TTC29: variants seen among roughly 807,000 people sequenced by gnomAD.
TTC29 encodes the protein tetratricopeptide repeat domain 29, also known as tetratricopeptide repeat protein 29.
In TTC29, 49 loss-of-function variants were observed where a neutral mutation model predicts 58.1. That is an observed-to-expected ratio of 0.84 (90% confidence interval 0.67 to 1.07). The LOEUF (loss-of-function observed/expected upper bound fraction) is 1.07. Ranked by LOEUF, TTC29 falls within the 50% of genes least tolerant of loss-of-function variation. The pLI is 0.00. For missense variants in TTC29, 582 were observed against 555.6 expected (o/e 1.05, Z -0.48); for synonymous variants, 209 against 196.8 (o/e 1.06, Z -0.52).
At chr4:146,830,975 G>T (rs6830880) in intron 9 of TTC29, among the ~76,000 whole-genome samples, 9,481 of 152,218 alleles carry the variant, frequency 0.062, 399 homozygotes, top group Admixed American at 0.13. Context: ...AAATCTGCCT[G>T]TTAGTAGATC....
At chr4:146,823,684 C>T (rs1751989908) in intron 9 of TTC29, among the ~76,000 whole-genome samples, 1 of 152,140 alleles carries the variant, frequency 6.6e-6, no homozygotes, top group African/African-American at 2.4e-5. Context: ...CTATAAATTA[C>T]TTTGAGCAGT....
chr4:146,895,867 A>G (rs1488849760), intron 6 of TTC29, among the ~76,000 whole-genome samples: 2 of 152,156 alleles, frequency 1.3e-5, no homozygotes, highest in African/African-American at 4.8e-5. Flanking sequence ...CTAAAATTGC[A>G]TAAATATTAG....
intron 8 of TTC29, among the ~76,000 whole-genome samples, chr4:146,862,251 TTA>T (rs113005790): frequency 0.13 from 19,727 of 146,868 alleles, 1,690 homozygotes; most frequent in African/African-American, 0.22. Flanking sequence ...TATTTTATCA[TTA>T]TATATATATA....
chr4:146,765,998 T>C (rs1747290308), intron 11 of TTC29, among the ~76,000 whole-genome samples: 2 of 151,826 alleles, frequency 1.3e-5, no homozygotes, highest in African/African-American at 4.8e-5. Flanking sequence ...ACACTAAAGG[T>C]AAGTTAGGGG....
intron 11 of TTC29, among the ~76,000 whole-genome samples, chr4:146,746,246 G>T (rs906993926): frequency 2.6e-5 from 4 of 152,196 alleles, no homozygotes; most frequent in African/African-American, 7.2e-5. Flanking sequence ...ATGGTTACAT[G>T]AAGTGAGCAA....
chr4:146,820,140 G>A lies in TTC29; in HGVS notation c.1086C>T (p.Asp362=). The change falls in exon 10 of 13, where the codon GAC becomes GAT. Residue 362 remains aspartate, a synonymous_variant. Coordinates refer to ENST00000325106, the MANE Select transcript of TTC29 (RefSeq NM_031956.4). ...ATAGACTCACTTTTTCATTGTAGAT[G>A]TCCCCAAGCATTGTACTTGCTCTCA... ...DLVRASTMLG[D]IYNEKGYYNK... The A allele has an allele frequency of 6.2e-7, 1 of 1,612,884 alleles. No homozygotes were observed. The highest frequency in any genetic ancestry group is 8.5e-7 in the Non-Finnish European group (1 of 1,179,734).
intron 8 of TTC29, among the ~76,000 whole-genome samples, chr4:146,844,452 A>T (rs1449283647): frequency 6.6e-6 from 1 of 152,212 alleles, no homozygotes; most frequent in South Asian, 2.1e-4. Flanking sequence ...AAAATGTGGA[A>T]TATTTATCCT....
chr4:146,863,210 C>T (rs1019055162), intron 8 of TTC29, among the ~76,000 whole-genome samples: 1 of 152,090 alleles, frequency 6.6e-6, no homozygotes, highest in Non-Finnish European at 1.5e-5. Flanking sequence ...CTCGTTCCAG[C>T]CCAAATCCCA....
intron 11 of TTC29, among the ~76,000 whole-genome samples, chr4:146,742,670 A>C (rs1579571830): frequency 1.0e-4 from 10 of 98,804 alleles, no homozygotes; most frequent in East Asian, 3.0e-4. Context: ...CTTTACTTCA[A>C]TTCCTTCTTT....
intron 8 of TTC29, among the ~76,000 whole-genome samples, chr4:146,846,027 TG>T (rs963313549): frequency 6.6e-5 from 10 of 152,160 alleles, no homozygotes; most frequent in African/African-American, 2.4e-4. Context: ...GTAGAGCCCT[TG>T]GGAGGTACTA....
intron 4 of TTC29, among the ~76,000 whole-genome samples, chr4:146,915,631 T>G (rs1222706670): frequency 6.6e-6 from 1 of 152,072 alleles, no homozygotes; most frequent in Non-Finnish European, 1.5e-5. Context: ...ACAATTTATT[T>G]TACTTTCTCT....
chr4:146,711,217 A>T (rs150686633), intron 11 of TTC29, among the ~76,000 whole-genome samples: 16 of 152,162 alleles, frequency 1.1e-4, no homozygotes, highest in African/African-American at 3.6e-4. Flanking sequence ...GTATGCTCAC[A>T]TGAATATACA....
At chr4:146,764,794 T>G (rs898682135) in intron 11 of TTC29, among the ~76,000 whole-genome samples, 1 of 152,084 alleles carries the variant, frequency 6.6e-6, no homozygotes, top group Admixed American at 6.6e-5. Context: ...GGAACAGAAA[T>G]GTACTGAATA....
intron 6 of TTC29, among the ~76,000 whole-genome samples, chr4:146,902,131 T>C (rs528422682): frequency 2.6e-5 from 4 of 152,304 alleles, no homozygotes; most frequent in African/African-American, 7.2e-5. Flanking sequence ...GTTAATTACA[T>C]TGAGTGCAGC....
intron 9 of TTC29, among the ~76,000 whole-genome samples, chr4:146,832,041 C>T (rs1340461211): frequency 1.3e-5 from 2 of 152,134 alleles, no homozygotes; most frequent in Non-Finnish European, 1.5e-5. Flanking sequence ...AGATTACAGA[C>T]ACCCACCACC....
chr4:146,742,845 A>G (rs977433484), intron 11 of TTC29, among the ~76,000 whole-genome samples: 7 of 151,884 alleles, frequency 4.6e-5, no homozygotes, highest in African/African-American at 1.5e-4. Context: ...AATGAAGTAA[A>G]GATTAGATTA....
At chr4:146,778,976 C>CAAAAAAAAAAA (rs369374851) in intron 11 of TTC29, among the ~76,000 whole-genome samples, 588 of 28,414 alleles carry the variant, frequency 0.021, 11 homozygotes, top group Middle Eastern at 0.056. Context: ...CCTAAATAAG[C>CAAAAAAAAAAA]AAAAAAAAAA....
At chr4:146,881,509 T>C (rs1393597307) in intron 6 of TTC29, among the ~76,000 whole-genome samples, 1 of 152,138 alleles carries the variant, frequency 6.6e-6, no homozygotes, top group Admixed American at 6.6e-5. Flanking sequence ...TAAATTACTA[T>C]TCTGTACAAC....
intron 4 of TTC29, among the ~76,000 whole-genome samples, chr4:146,915,383 T>C (rs111577566): frequency 2.0e-5 from 3 of 152,200 alleles, no homozygotes; most frequent in African/African-American, 4.8e-5. Flanking sequence ...CATGTTTAGG[T>C]TGGGTTGGAG....
Sources: allele counts gnomAD v4.1 joint callset (sites outside exome capture counted in the v4.1 genomes callset), GRCh38; gene constraint gnomAD v4.1.1; transcripts MANE v1.5; gene names NCBI Gene and HGNC (gene_info 2026-07-23, HGNC 2026-07-21).